The following MAN1C1 variants were observed in gnomAD, a reference collection of about 807,000 sequenced individuals.
The protein encoded by MAN1C1 is mannosidase alpha class 1C member 1, also known as mannosyl-oligosaccharide 1,2-alpha-mannosidase IC.
A neutral mutation model predicts 71.5 loss-of-function variants in MAN1C1; 49 were observed. The ratio of observed to expected loss-of-function variants is 0.69; its 90% CI spans 0.54 to 0.87. The LOEUF is 0.87. Among genes scored for constraint, MAN1C1 ranks in the 40% least tolerant of loss-of-function variants. The probability of loss-of-function intolerance (pLI) is 0.00; values close to 1 mark genes in which losing one functional copy is unlikely to be tolerated. For missense variants in MAN1C1, 743 were observed against 835.0 expected, an observed-to-expected ratio of 0.89 and a Z score of 1.36; for synonymous variants, 352 against 343.7, an observed-to-expected ratio of 1.02 and a Z score of -0.27.
At chr1:25,702,159 A>G (rs1359363521) in intron 2 of MAN1C1, among the ~76,000 whole-genome samples, 1 of 152,198 alleles carries the variant, frequency 6.6e-6, no homozygotes, top group Non-Finnish European at 1.5e-5. Flanking sequence ...AGGCTAATGC[A>G]TGACGATCGC....
chr1:25,771,381 C>G (rs1304090560), intron 7 of MAN1C1, among the ~76,000 whole-genome samples: 3 of 152,106 alleles, frequency 2.0e-5, no homozygotes, highest in Non-Finnish European at 2.9e-5. Flanking sequence ...CCTGCCGTCC[C>G]CAGCCTGCTA....
chr1:25,700,280 G>A (rs1378359782), intron 2 of MAN1C1, among the ~76,000 whole-genome samples: 1 of 152,196 alleles, frequency 6.6e-6, no homozygotes, highest in Non-Finnish European at 1.5e-5. Context: ...CCGGAGGAGA[G>A]GAGTCACCCT....
intron 1 of MAN1C1, among the ~76,000 whole-genome samples, chr1:25,664,406 A>G (rs1260589124): frequency 6.6e-6 from 1 of 152,198 alleles, no homozygotes; most frequent in Non-Finnish European, 1.5e-5. Context: ...AAGGAAATAG[A>G]TTTTGCAAAA....
At chr1:25,683,476 G>C (rs1285862464) in intron 1 of MAN1C1, among the ~76,000 whole-genome samples, 1 of 152,246 alleles carries the variant, frequency 6.6e-6, no homozygotes, top group Non-Finnish European at 1.5e-5. Flanking sequence ...TGTGGGGCAT[G>C]TAGCAGTGAA....
intron 2 of MAN1C1, among the ~76,000 whole-genome samples, chr1:25,740,336 G>A (rs1337297427): frequency 6.6e-6 from 1 of 152,162 alleles, no homozygotes; most frequent in Non-Finnish European, 1.5e-5. Flanking sequence ...CCAGGGACGG[G>A]AAGGACTAAG....
intron 2 of MAN1C1, among the ~76,000 whole-genome samples, chr1:25,731,598 C>T (rs2046910679): frequency 6.6e-6 from 1 of 152,192 alleles, no homozygotes; most frequent in South Asian, 2.1e-4. Flanking sequence ...AAAGTTTCTG[C>T]CCTACTCTGT....
intron 6 of MAN1C1, chr1:25,759,641 G>A (rs577836135): frequency 6.6e-6 from 1 of 152,274 alleles, no homozygotes; most frequent in East Asian, 1.9e-4. Context: ...TCGCCATCCA[G>A]CCTCAAAGCA....
intron 3 of MAN1C1, 130 bp from the exon 4 acceptor site, chr1:25,749,125 C>T (rs776578684): frequency 1.1e-4 from 66 of 626,390 alleles, no homozygotes; most frequent in South Asian, 4.7e-4. Flanking sequence ...TGAAAACCAT[C>T]GTCACCTTGC....
At chr1:25,683,730 G>A (rs1185351673) in intron 1 of MAN1C1, among the ~76,000 whole-genome samples, 1 of 152,176 alleles carries the variant, frequency 6.6e-6, no homozygotes, top group African/African-American at 2.4e-5. Flanking sequence ...CCTGGTAGGG[G>A]CTTGCTTAGG....
intron 2 of MAN1C1, among the ~76,000 whole-genome samples, chr1:25,719,942 C>A (rs1332383963): frequency 6.6e-6 from 1 of 152,062 alleles, no homozygotes; most frequent in African/African-American, 2.4e-5. Context: ...CACCACCATA[C>A]CTGGCTAATT....
At chr1:25,683,669 G>A (rs896296410) in intron 1 of MAN1C1, among the ~76,000 whole-genome samples, 13 of 151,968 alleles carry the variant, frequency 8.6e-5, no homozygotes, top group African/African-American at 2.7e-4. Context: ...GGGGGGTAGG[G>A]GCTGGAAGTG....
At position 25,779,059 on chromosome 1, in the gene MAN1C1, C is replaced by T. The variant is rs560018427; in HGVS notation, c.1477+735C>T. Among the ~76,000 whole-genome samples the T allele has an allele frequency of 7.9e-5, 12 of 152,272 alleles. No homozygotes were observed. The highest frequency in any genetic ancestry group is 2.9e-4 in the African/African-American group (12 of 41,552). On this transcript the variant is annotated intron_variant, in intron 9 of 11. Transcript: ENST00000374332. This position sits in a 1 kb window ranked among gnomAD's most constrained non-coding sequence, Gnocchi z 4.6. ...CTGGTTCCACCCCGTGCGCAAACTG[C>T]ACCCCTCAGAAAAATCCCCAGCCCC...
chr1:25,720,748 A>G (rs1406093689), intron 2 of MAN1C1, among the ~76,000 whole-genome samples: 1 of 152,164 alleles, frequency 6.6e-6, no homozygotes, highest in African/African-American at 2.4e-5. Flanking sequence ...CCATTGCCTT[A>G]CCCAAGGTCA....
At chr1:25,760,604 A>G (rs890378858) in intron 6 of MAN1C1, 1 of 152,194 alleles carries the variant, frequency 6.6e-6, no homozygotes, top group Non-Finnish European at 1.5e-5. Context: ...GTACAAGCAC[A>G]TTCCTGTCCC....
intron 5 of MAN1C1, among the ~76,000 whole-genome samples, chr1:25,756,073 G>A (rs2047282417): frequency 1.3e-5 from 2 of 152,236 alleles, no homozygotes; most frequent in Admixed American, 1.3e-4. Context: ...AGTTGGTTGT[G>A]AAGGTAAAAT....
At chr1:25,750,028 C>A (rs1266803016) in intron 4 of MAN1C1, among the ~76,000 whole-genome samples, 1 of 152,184 alleles carries the variant, frequency 6.6e-6, no homozygotes, top group Non-Finnish European at 1.5e-5. Context: ...AGAGCTGGTG[C>A]GGTCAGGAAA....
chr1:25,690,498 G>A (rs1014736549), intron 2 of MAN1C1, among the ~76,000 whole-genome samples: 1 of 152,144 alleles, frequency 6.6e-6, no homozygotes, highest in Non-Finnish European at 1.5e-5. Flanking sequence ...TCACCATGTT[G>A]GTCAGGCTTG....
At chr1:25,694,131 G>A (rs941235549) in intron 2 of MAN1C1, among the ~76,000 whole-genome samples, 3 of 152,084 alleles carry the variant, frequency 2.0e-5, no homozygotes, top group Non-Finnish European at 2.9e-5. Context: ...CATGTCCTTC[G>A]GCCTGGGTTT....
In MAN1C1 at chr1:25,690,542, C is replaced by T. The variant is rs994716411; in HGVS notation, c.637+4006C>T. 5.9e-5 allele frequency among the ~76,000 whole-genome samples: 9 copies of T among 152,338 alleles called. 1 individual carries two copies. Among genetic ancestry groups the T allele is most frequent in the South Asian group, 4.1e-4 (2 of 4,820 alleles). On this transcript the variant is annotated intron_variant, in intron 2 of 11. Transcript: ENST00000374332. ...TCCTGACCTTGTGATCTTCCCTCCT[C>T]GGCTTCCCAAAGTGCTGGGATTACA...
Sources: allele counts gnomAD v4.1 joint callset (sites outside exome capture counted in the v4.1 genomes callset), GRCh38; gene constraint gnomAD v4.1.1; non-coding constraint Gnocchi (gnomAD v3.1); transcripts MANE v1.5; gene names NCBI Gene and HGNC (gene_info 2026-07-23, HGNC 2026-07-21).